The following WDR27 variants were observed in gnomAD, a reference collection of about 807,000 sequenced individuals.
WDR27 encodes WD repeat-containing protein 27.
A neutral mutation model predicts 114.4 loss-of-function variants in WDR27; 100 were observed. The ratio of observed to expected loss-of-function variants is 0.87; its 90% CI spans 0.74 to 1.03. WDR27 has a LOEUF of 1.03. Among genes scored for constraint, WDR27 ranks in the 50% least tolerant of loss-of-function variants. The pLI is 0.00. For synonymous variants in WDR27, 449 were observed against 423.1 expected (o/e 1.06, Z -0.75); for missense variants, 1,129 against 1,092.9 (o/e 1.03, Z -0.47).
At chr6:169,542,193 ATAGGATATTTATATCAAAG>A (rs1796922103) in intron 25 of WDR27, among the ~76,000 whole-genome samples, 1 of 152,184 alleles carries the variant, frequency 6.6e-6, no homozygotes, top group South Asian at 2.1e-4. Flanking sequence ...TTAATGATAA[ATAGGATATTTATATCAAAG>A]TATGTAGCCA....
intron 2 of WDR27, among the ~76,000 whole-genome samples, chr6:169,677,453 A>G (rs1780356712): frequency 6.6e-6 from 1 of 152,252 alleles, no homozygotes; most frequent in African/African-American, 2.4e-5. Flanking sequence ...ACATACAATC[A>G]TAAATGGGAG....
chr6:169,664,289 A>G lies in WDR27; in HGVS notation c.784-3T>C. ...TCCATCAAACTGAAGATCCAAAGCT[A>G]CAAAAGCAAAGAAGATGCAGACATG... On this transcript the variant is annotated splice_region_variant and splice_polypyrimidine_tract_variant and intron_variant, in intron 7 of 25. Coordinates refer to ENST00000448612, the MANE Select transcript of WDR27 (RefSeq NM_182552.5). 6.2e-7 allele frequency: 1 copy of G among 1,613,968 alleles called. No individual in the cohort carries two copies. The highest frequency in any genetic ancestry group is 8.5e-7 in the Non-Finnish European group (1 of 1,179,860).
At chr6:169,621,540 GCATA>G (rs1489403807) in intron 21 of WDR27, among the ~76,000 whole-genome samples, 5 of 95,582 alleles carry the variant, frequency 5.2e-5, no homozygotes, top group African/African-American at 8.1e-5. Flanking sequence ...ACACACGCAC[GCATA>G]TACATACACA....
chr6:169,662,220 A>G (rs565556690), intron 9 of WDR27, 84 bp downstream of exon 9: 5 of 1,509,554 alleles, frequency 3.3e-6, no homozygotes. Context: ...TATCTCAGTC[A>G]TTCTTAGAAA....
rs1791826584 is a variant in WDR27 at position 169,505,019 on chromosome 6, C to G, written c.2646-47385G>C. On this transcript the variant is annotated intron_variant, in intron 25 of 25. Transcript: ENST00000448612. Reference sequence around the variant, plus strand: ...CATCTTGCATACTTTGCCAGAGATCCTTACATGAAATCTAGCAAGAAAGAC... The same window carrying G: ...CATCTTGCATACTTTGCCAGAGATCGTTACATGAAATCTAGCAAGAAAGAC... Among the ~76,000 whole-genome samples, 5 of 152,240 alleles carry G rather than the reference C, an allele frequency of 3.3e-5. No homozygotes were observed. The South Asian group carries it at 1.0e-3, about 32-fold the overall frequency.
chr6:169,665,875 C>G (rs1827715617), intron 6 of WDR27, among the ~76,000 whole-genome samples: 1 of 152,226 alleles, frequency 6.6e-6, no homozygotes, highest in Admixed American at 6.5e-5. Context: ...AACCACGGCC[C>G]AGCTCCGGCT....
intron 17 of WDR27, among the ~76,000 whole-genome samples, chr6:169,643,098 T>G (rs1819638577): frequency 6.6e-6 from 1 of 152,228 alleles, no homozygotes; most frequent in African/African-American, 2.4e-5. Flanking sequence ...ACAGAAGGAC[T>G]AGTGAGATAT....
intron 9 of WDR27, among the ~76,000 whole-genome samples, 190 bp downstream of exon 9, chr6:169,662,110 CACTT>C (rs562244552): frequency 1.1e-4 from 16 of 152,320 alleles, no homozygotes; most frequent in Admixed American, 9.1e-4. Flanking sequence ...TTATTAAAGA[CACTT>C]ACGTATCATT....
chr6:169,569,200 T>G (rs962247814), intron 25 of WDR27, among the ~76,000 whole-genome samples: 2 of 151,760 alleles, frequency 1.3e-5, no homozygotes, highest in East Asian at 3.9e-4. Flanking sequence ...GGAAAATTAT[T>G]TATGGTTTAT....
chr6:169,471,156 G>A (rs942391301), intron 25 of WDR27, among the ~76,000 whole-genome samples: 2 of 150,830 alleles, frequency 1.3e-5, no homozygotes, highest in Admixed American at 1.3e-4. Flanking sequence ...AAAAGTAATT[G>A]CGGTTTTTGT....
intron 2 of WDR27, among the ~76,000 whole-genome samples, chr6:169,686,235 T>G (rs1383134433): frequency 6.6e-6 from 1 of 152,050 alleles, no homozygotes; most frequent in African/African-American, 2.4e-5. Flanking sequence ...TCCACCATCA[T>G]GAAAACATGG....
intron 20 of WDR27, among the ~76,000 whole-genome samples, chr6:169,633,481 T>C (rs1816922813): frequency 6.6e-6 from 1 of 152,202 alleles, no homozygotes; most frequent in Non-Finnish European, 1.5e-5. Flanking sequence ...TGACAGCACC[T>C]GGGGCAGGCT....
chr6:169,448,251 T>C, the WDR27 span, among the ~76,000 whole-genome samples: 1 of 151,928 alleles, frequency 6.6e-6, no homozygotes, highest in Non-Finnish European at 1.5e-5. Flanking sequence ...ATCATTTCTT[T>C]TATCATTCAT....
At chr6:169,497,922 CT>C (rs1790622923) in intron 25 of WDR27, among the ~76,000 whole-genome samples, 1 of 152,092 alleles carries the variant, frequency 6.6e-6, no homozygotes, top group Admixed American at 6.5e-5. Context: ...TGCAAAAAAA[CT>C]GAAAGCAGGG....
At chr6:169,576,108 TG>T (rs2128132833) in intron 24 of WDR27, among the ~76,000 whole-genome samples, 1 of 152,372 alleles carries the variant, frequency 6.6e-6, no homozygotes, top group South Asian at 2.1e-4. Flanking sequence ...CAGCACCAGA[TG>T]AACACCACTC....
At chr6:169,566,844 A>G (rs1800585510) in intron 25 of WDR27, among the ~76,000 whole-genome samples, 1 of 152,252 alleles carries the variant, frequency 6.6e-6, no homozygotes, top group South Asian at 2.1e-4. Flanking sequence ...GAACATGCAC[A>G]GATGTGCATT....
At chr6:169,520,028 A>G (rs1299646735) in intron 25 of WDR27, among the ~76,000 whole-genome samples, 1 of 152,198 alleles carries the variant, frequency 6.6e-6, no homozygotes, top group Non-Finnish European at 1.5e-5. Context: ...CCTGGGAAGC[A>G]TCAGGAGTGC....
rs1827136905 is a variant in WDR27, at chr6:169,664,216, G to GTCT, written c.851_853dup (p.Lys284dup). ...AACCCTTCTTGTGGAGAAAGTCTCTGTCTTCTTCCTTAGGTCAACCCGTGC... is the reference window on the plus strand; with the variant it reads ...AACCCTTCTTGTGGAGAAAGTCTCTGTCTTCTTCTTCCTTAGGTCAACCCGTGC... On this transcript the variant is annotated inframe_insertion, in exon 8 of 26. Transcript: ENST00000448612. The GTCT allele has an allele frequency of 8.7e-6, 14 of 1,612,826 alleles. No individual in the cohort carries two copies. The highest frequency in any genetic ancestry group is 1.3e-5 in the African/African-American group (1 of 74,936).
rs186641191 is a variant in WDR27 at position 169,506,537 on chromosome 6, A to C, written c.2646-48903T>G. ...TTGTGCCCAATTAAGAGCAAGTTTG[A>C]TTGAGTAAGGAGAGAAACATGGTGA... On this transcript the variant is annotated intron_variant, in intron 25 of 25. Coordinates refer to ENST00000448612, the MANE Select transcript of WDR27 (RefSeq NM_182552.5). Among the ~76,000 whole-genome samples, 1,384 of 152,276 alleles carry C rather than the reference A, an allele frequency of 9.1e-3. 6 individuals carry two copies. The highest frequency in any genetic ancestry group is 0.012 in the Admixed American group (187 of 15,302).
Sources: allele counts gnomAD v4.1 joint callset (sites outside exome capture counted in the v4.1 genomes callset), GRCh38; gene constraint gnomAD v4.1.1; transcripts MANE v1.5; gene names NCBI Gene and HGNC (gene_info 2026-07-23, HGNC 2026-07-21).